The following NSMCE2 variants were observed in gnomAD, a reference collection of about 807,000 sequenced individuals.
The protein encoded by NSMCE2 is E3 SUMO-protein ligase NSE2.
NSMCE2 carries 24 observed loss-of-function variants against 23.8 expected under a neutral mutation model. The observed-to-expected ratio is 1.01, with a 90% CI of 0.73 to 1.42. The LOEUF is 1.42. Ranked by LOEUF, NSMCE2 falls within the 40% of genes most tolerant of loss-of-function variation. The pLI is 0.00. For missense variants in NSMCE2, 284 were observed against 296.5 expected, an observed-to-expected ratio of 0.96 and a Z score of 0.31; for synonymous variants, 92 against 94.1, an observed-to-expected ratio of 0.98 and a Z score of 0.13.
chr8:125,227,174 A>G (rs187117132), intron 5 of NSMCE2, among the ~76,000 whole-genome samples: 24 of 152,130 alleles, frequency 1.6e-4, no homozygotes, highest in East Asian at 1.5e-3. Context: ...CCCATCCTCA[A>G]ATTGGGGGGC....
At chr8:125,350,351 G>A (rs1000374526) in intron 5 of NSMCE2, among the ~76,000 whole-genome samples, 7 of 152,192 alleles carry the variant, frequency 4.6e-5, no homozygotes, top group African/African-American at 1.7e-4. Flanking sequence ...CAGGCACAGA[G>A]CAGGAGGAAG....
Position 125,102,450 on chromosome 8 carries a change from A to G in NSMCE2, c.120A>G (p.Thr40=). The part of the protein sequence containing the change: ...FQACINSGMD[T]ASSVALDLVE... ...CCTGTATCAACTCTGGTATGGACAC[A>G]GCTTCTAGTGTTGCTTTGGATCTTG... The change falls in exon 3 of 8, where the codon ACA becomes ACG. Residue 40 remains threonine (T), a synonymous_variant. Transcript: ENST00000287437. 6.2e-6 allele frequency: 10 copies of G among 1,613,868 alleles called. No individual in the cohort carries two copies. The highest frequency in any genetic ancestry group is 8.5e-6 in the Non-Finnish European group (10 of 1,179,794).
intron 3 of NSMCE2, among the ~76,000 whole-genome samples, chr8:125,133,769 AC>A (rs1442297659): frequency 1.3e-5 from 2 of 151,350 alleles, no homozygotes; most frequent in African/African-American, 4.9e-5. Flanking sequence ...ATCTCAAAAA[AC>A]AAAAACCAAA....
intron 5 of NSMCE2, among the ~76,000 whole-genome samples, chr8:125,268,482 T>C (rs1827037696): frequency 1.3e-5 from 2 of 152,016 alleles, no homozygotes; most frequent in South Asian, 4.1e-4. Flanking sequence ...ATTTGGAGAA[T>C]AAAGGAAAAG....
chr8:125,302,641 A>C (rs1323073406), intron 5 of NSMCE2, among the ~76,000 whole-genome samples: 1 of 152,226 alleles, frequency 6.6e-6, no homozygotes, highest in African/African-American at 2.4e-5. Flanking sequence ...AGATAGAACA[A>C]GAAGATTAGA....
chr8:125,260,296 G>A (rs1019590035), intron 5 of NSMCE2, among the ~76,000 whole-genome samples: 3 of 152,140 alleles, frequency 2.0e-5, no homozygotes, highest in African/African-American at 7.2e-5. Flanking sequence ...GTATAAAAAT[G>A]TGTTTTTCAG....
intron 3 of NSMCE2, among the ~76,000 whole-genome samples, chr8:125,137,428 G>A (rs1017577663): frequency 1.3e-5 from 2 of 152,154 alleles, no homozygotes; most frequent in African/African-American, 4.8e-5. Context: ...TGGTATAAAT[G>A]TGTTTAAAAT....
chr8:125,317,371 A>G (rs926308014), intron 5 of NSMCE2, among the ~76,000 whole-genome samples: 1 of 146,052 alleles, frequency 6.8e-6, no homozygotes, highest in African/African-American at 2.5e-5. Context: ...TAATGTTTGT[A>G]TTTTTTGTAA....
rs1329567087 is a variant in NSMCE2 at position 125,101,012 on chromosome 8, GC to G, written c.-110-1038del. On this transcript the variant is annotated intron_variant, in intron 1 of 7. Coordinates refer to ENST00000287437, the MANE Select transcript of NSMCE2 (RefSeq NM_173685.4). ...ATTCTCATGCTAAAGGAAGTGCCTG[GC>G]ACTTAAAGAGATACTAAATATTTGA... Among the ~76,000 whole-genome samples, 6 of 152,284 alleles carry G rather than the reference GC, an allele frequency of 3.9e-5. No individual in the cohort carries two copies. In the South Asian group the frequency reaches 1.2e-3, roughly 32 times the overall value.
At position 125,351,813 on chromosome 8, in the gene NSMCE2, C is replaced by T. The variant is rs1225392418; in HGVS notation, c.419-5406C>T. Among the ~76,000 whole-genome samples, 4 of 151,912 alleles carry T rather than the reference C, an allele frequency of 2.6e-5. No homozygotes were observed. In the East Asian group the frequency reaches 7.8e-4, roughly 30 times the overall value. On this transcript the variant is annotated intron_variant, in intron 5 of 7. Coordinates refer to ENST00000287437, the MANE Select transcript of NSMCE2 (RefSeq NM_173685.4). ...ATCACTTGAGGTCAGGAGTTCGATA[C>T]CAGCCTGGCCAACATGGTGAAACCC... is the stretch of plus-strand genomic sequence containing the variant.
chr8:125,109,260 T>C (rs1461752433), intron 3 of NSMCE2, among the ~76,000 whole-genome samples: 1 of 152,212 alleles, frequency 6.6e-6, no homozygotes, highest in African/African-American at 2.4e-5. Context: ...GTTTCCTATT[T>C]ATAAAAGGCA....
chr8:125,351,515 C>T (rs1030419370), intron 5 of NSMCE2: 3 of 152,040 alleles, frequency 2.0e-5, no homozygotes, highest in African/African-American at 7.3e-5. Context: ...GAGATCAGTC[C>T]ATTGGTCACA....
rs548011379 is a variant in NSMCE2 at position 125,297,129 on chromosome 8, A to G, written c.419-60090A>G. 1.1e-3 allele frequency among the ~76,000 whole-genome samples: 164 copies of G among 152,204 alleles called. 1 individual carries two copies. The highest frequency in any genetic ancestry group is 2.2e-3 in the Non-Finnish European group (147 of 68,048). ...ATGAATTCGTAACATCTCTGTCATA[A>G]TCACACACCCATTTTTAACAACCTG... On this transcript the variant is annotated intron_variant, in intron 5 of 7. Transcript: ENST00000287437.
intron 3 of NSMCE2, among the ~76,000 whole-genome samples, chr8:125,131,599 T>C (rs1244520944): frequency 6.6e-6 from 1 of 151,624 alleles, no homozygotes; most frequent in Admixed American, 6.6e-5. Context: ...CATTGAGTTC[T>C]AACGTGGAAA....
At chr8:125,313,897 G>A (rs1296859685) in intron 5 of NSMCE2, among the ~76,000 whole-genome samples, 1 of 152,168 alleles carries the variant, frequency 6.6e-6, no homozygotes, top group Non-Finnish European at 1.5e-5. Flanking sequence ...CTAAATAGTG[G>A]CAGAAAGCAA....
At chr8:125,161,809 C>T (rs912622902) in intron 4 of NSMCE2, among the ~76,000 whole-genome samples, 6 of 145,028 alleles carry the variant, frequency 4.1e-5, no homozygotes, top group Non-Finnish European at 9.0e-5. Context: ...AAAAAAAAAT[C>T]GGAAACGGTA....
intron 5 of NSMCE2, among the ~76,000 whole-genome samples, chr8:125,188,848 C>T (rs1414786685): frequency 6.6e-6 from 1 of 152,012 alleles, no homozygotes; most frequent in Admixed American, 6.5e-5. Flanking sequence ...GTGATGGGGG[C>T]CAGGTATGGG....
At chr8:125,319,205 A>G (rs993822983) in intron 5 of NSMCE2, among the ~76,000 whole-genome samples, 7 of 152,246 alleles carry the variant, frequency 4.6e-5, no homozygotes, top group South Asian at 2.1e-4. Flanking sequence ...CAACTTTAAA[A>G]TAAGACCCAA....
chr8:125,220,926 T>C (rs1418883148), intron 5 of NSMCE2, among the ~76,000 whole-genome samples: 5 of 152,226 alleles, frequency 3.3e-5, no homozygotes, highest in Non-Finnish European at 4.4e-5. Flanking sequence ...AGATTTCTTA[T>C]AGCAGGGCTT....
Sources: gnomAD v4.1 joint callset for allele counts (sites outside exome capture counted in the v4.1 genomes callset) on GRCh38, gnomAD v4.1.1 for gene constraint, MANE v1.5 for transcripts, NCBI Gene and HGNC (gene_info 2026-07-23, HGNC 2026-07-21) for gene names.